The following MNAT1 variants were observed in gnomAD, a reference collection of about 807,000 sequenced individuals.
MNAT1 encodes CDK-activating kinase assembly factor MAT1.
In MNAT1, 43 loss-of-function variants were observed where a neutral mutation model predicts 42.0. The ratio of observed to expected loss-of-function variants is 1.02; its 90% CI spans 0.80 to 1.32. The LOEUF (loss-of-function observed/expected upper bound fraction) is 1.32, where lower values mean the gene tolerates loss of function less well. MNAT1 is among the 40% of genes most tolerant of loss of function. The pLI, the probability that MNAT1 is intolerant of heterozygous loss-of-function variation, is 0.00. For synonymous variants in MNAT1, 118 were observed against 120.0 expected (o/e 0.98, Z 0.11); for missense variants, 306 against 350.4 (o/e 0.87, Z 1.01).
intron 7 of MNAT1, among the ~76,000 whole-genome samples, chr14:60,965,811 G>A (rs1047694175): frequency 6.6e-6 from 1 of 152,170 alleles, no homozygotes; most frequent in African/African-American, 2.4e-5. Context: ...TTATCATCTG[G>A]TGTGCGGATA....
intron 6 of MNAT1, among the ~76,000 whole-genome samples, chr14:60,874,115 A>C (rs1594821753): frequency 6.6e-6 from 1 of 152,210 alleles, no homozygotes; most frequent in East Asian, 1.9e-4. Flanking sequence ...TTGCTCTCTT[A>C]CCAGCAGTGT....
intron 6 of MNAT1, among the ~76,000 whole-genome samples, chr14:60,856,530 T>G (rs937785067): frequency 2.0e-5 from 3 of 152,022 alleles, no homozygotes; most frequent in Admixed American, 6.5e-5. Flanking sequence ...AGATTAAACA[T>G]CCTTCTACTG....
intron 3 of MNAT1, among the ~76,000 whole-genome samples, chr14:60,807,171 C>A (rs751606740): frequency 6.6e-5 from 10 of 152,154 alleles, no homozygotes; most frequent in Non-Finnish European, 1.2e-4. Flanking sequence ...AATTGATGTT[C>A]TGAAATAAGT....
rs186540879 is a variant in MNAT1, at chr14:60,830,024, A to C, written c.687+11177A>C. Among the ~76,000 whole-genome samples, 326 of 152,314 alleles carry C rather than the reference A, an allele frequency of 2.1e-3. 2 individuals carry two copies. Among genetic ancestry groups the C allele is most frequent in the Admixed American group, 3.6e-3 (55 of 15,298 alleles). On this transcript the variant is annotated intron_variant, in intron 6 of 7. Coordinates refer to ENST00000261245, the MANE Select transcript of MNAT1 (RefSeq NM_002431.4). ...GGGAAAAAGAAGGAAGATGTGTTTCAATCAGTCTCTGAACATTAACTCACT... is the reference window on the plus strand; with the variant it reads ...GGGAAAAAGAAGGAAGATGTGTTTCCATCAGTCTCTGAACATTAACTCACT...
At chr14:60,896,994 G>A (rs1021414851) in intron 7 of MNAT1, among the ~76,000 whole-genome samples, 4 of 152,106 alleles carry the variant, frequency 2.6e-5, no homozygotes, top group Non-Finnish European at 5.9e-5. Flanking sequence ...GAAATCAATT[G>A]ACAGATTAGT....
At chr14:60,859,361 G>T (rs2034041097) in intron 6 of MNAT1, among the ~76,000 whole-genome samples, 1 of 152,142 alleles carries the variant, frequency 6.6e-6, no homozygotes, top group East Asian at 1.9e-4. Context: ...GAGATTCCAT[G>T]AATTTCATTA....
chr14:60,861,466 G>C (rs1012867692), intron 6 of MNAT1, among the ~76,000 whole-genome samples: 1 of 152,072 alleles, frequency 6.6e-6, no homozygotes, highest in Non-Finnish European at 1.5e-5. Flanking sequence ...GTATGAACAT[G>C]CCTGTTTTGC....
At chr14:60,767,749 T>C (rs2030888996) in intron 1 of MNAT1, among the ~76,000 whole-genome samples, 1 of 142,330 alleles carries the variant, frequency 7.0e-6, no homozygotes, top group South Asian at 2.3e-4. Context: ...TACAGGCGCA[T>C]GCCACCACAC....
intron 7 of MNAT1, among the ~76,000 whole-genome samples, chr14:60,939,165 G>T (rs940212437): frequency 5.3e-5 from 8 of 151,976 alleles, no homozygotes; most frequent in Non-Finnish European, 8.8e-5. Flanking sequence ...CAATTTTGTT[G>T]ATCTTTTCAA....
chr14:60,818,700 T>G (rs183995573), intron 5 of MNAT1, 22 bp from the exon 6 acceptor site: 114 of 1,515,282 alleles, frequency 7.5e-5, no homozygotes, highest in Admixed American at 2.3e-4. Flanking sequence ...CATTTCTTAT[T>G]GAACTTGAAC....
At chr14:60,838,197 G>A (rs2033446569) in intron 6 of MNAT1, among the ~76,000 whole-genome samples, 1 of 151,918 alleles carries the variant, frequency 6.6e-6, no homozygotes, top group Admixed American at 6.6e-5. Flanking sequence ...GGCAGTGGGG[G>A]CGATCACTGC....
At chr14:60,870,066 G>A (rs770332963) in intron 6 of MNAT1, among the ~76,000 whole-genome samples, 1 of 152,046 alleles carries the variant, frequency 6.6e-6, no homozygotes, top group Middle Eastern at 3.2e-3. Context: ...TAAAAATACA[G>A]ATTATTAAAA....
At chr14:60,889,118 C>A (rs2034765448) in intron 7 of MNAT1, among the ~76,000 whole-genome samples, 2 of 151,892 alleles carry the variant, frequency 1.3e-5, no homozygotes, top group African/African-American at 4.8e-5. Context: ...TCATATGGAA[C>A]CAAAAAAGAG....
rs1896254276 is a variant in MNAT1, at chr14:60,734,784, C to G, written c.-79C>G. ...CCAAGCGCCTGTTGGTAGGAACCTG[C>G]TTGGTCGCGTCTGAGGGGGCTTGTA... On this transcript the variant is annotated 5_prime_UTR_variant, in exon 1 of 8. Transcript: ENST00000261245. The surrounding 1 kb of genome is among the most constrained non-coding windows in gnomAD (Gnocchi z 4.3). The G allele has an allele frequency of 2.2e-6, 3 of 1,361,516 alleles. No individual in the cohort carries two copies. The East Asian group carries it at 6.9e-5, about 31-fold the overall frequency. 84.3% of individuals were successfully genotyped at this position (1,361,516 alleles called of 1,614,324 possible).
intron 7 of MNAT1, among the ~76,000 whole-genome samples, chr14:60,962,323 C>T (rs972181475): frequency 6.6e-6 from 1 of 152,100 alleles, no homozygotes; most frequent in African/African-American, 2.4e-5. Context: ...CTATTAGCTA[C>T]TGTTTATTAT....
chr14:60,941,598 C>CAGGAGGGAG (rs535215708), intron 7 of MNAT1, among the ~76,000 whole-genome samples: 92 of 151,840 alleles, frequency 6.1e-4, no homozygotes, highest in East Asian at 5.2e-3. Context: ...CCTAGCTACT[C>CAGGAGGGAG]AGGAGGGAGA....
intron 7 of MNAT1, among the ~76,000 whole-genome samples, chr14:60,895,756 ACT>A (rs946873012): frequency 6.6e-6 from 1 of 152,158 alleles, no homozygotes; most frequent in Non-Finnish European, 1.5e-5. Context: ...ACATAGTGAG[ACT>A]CTGTCTCAAC....
intron 4 of MNAT1, among the ~76,000 whole-genome samples, chr14:60,810,333 T>A (rs974796256): frequency 6.6e-6 from 1 of 152,104 alleles, no homozygotes; most frequent in Admixed American, 6.5e-5. Flanking sequence ...CTATTTCATT[T>A]ATTTTTGCTC....
Position 60,901,700 on chromosome 14 carries a change from C to T in MNAT1, c.809+21865C>T, listed in dbSNP as rs143076457. Among the ~76,000 whole-genome samples, 273 of 152,242 alleles carry T rather than the reference C, an allele frequency of 1.8e-3. 1 individual carries two copies. Among genetic ancestry groups the T allele is most frequent in the Admixed American group, 2.9e-3 (44 of 15,296 alleles). On this transcript the variant is annotated intron_variant, in intron 7 of 7. Transcript: ENST00000261245. ...TTTGAGATTTTGTTGGAAGAAGTAACCGCAAATGGGGTGAAAATAGCAAGA... is the reference window on the plus strand; with the variant it reads ...TTTGAGATTTTGTTGGAAGAAGTAATCGCAAATGGGGTGAAAATAGCAAGA...
Sources: gnomAD v4.1 joint callset for allele counts (sites outside exome capture counted in the v4.1 genomes callset) on GRCh38, gnomAD v4.1.1 for gene constraint, Gnocchi (gnomAD v3.1) non-coding constraint, MANE v1.5 for transcripts, NCBI Gene and HGNC (gene_info 2026-07-23, HGNC 2026-07-21) for gene names.